ZNF827: variants seen among roughly 807,000 people sequenced by gnomAD.
ZNF827 encodes the protein zinc finger protein 827.
In ZNF827, 13 loss-of-function variants were observed where a neutral mutation model predicts 102.4. That is an observed-to-expected ratio of 0.13 (90% CI 0.08 to 0.20). The LOEUF (loss-of-function observed/expected upper bound fraction) is 0.20, where lower values mean the gene tolerates loss of function less well. Ranked by LOEUF, ZNF827 falls within the 10% of genes least tolerant of loss-of-function variation. The pLI is 1.00. For missense variants in ZNF827, 1,103 were observed against 1,344.4 expected (o/e 0.82, Z 2.81); for synonymous variants, 523 against 536.2 (o/e 0.98, Z 0.34).
At chr4:145,915,806 CCCTCCAGCTGTAAG>C (rs1308935214) in intron 1 of ZNF827, among the ~76,000 whole-genome samples, 2 of 152,318 alleles carry the variant, frequency 1.3e-5, no homozygotes, top group East Asian at 3.9e-4. Flanking sequence ...AGACAAATTT[CCCTCCAGCTGTAAG>C]CCTGTAAAAT....
intron 8 of ZNF827, among the ~76,000 whole-genome samples, chr4:145,813,728 C>A (rs1223276928): frequency 6.6e-6 from 1 of 152,206 alleles, no homozygotes; most frequent in African/African-American, 2.4e-5. Context: ...GGAAGCCCCC[C>A]TTGCCGGCAG....
intron 5 of ZNF827, among the ~76,000 whole-genome samples, chr4:145,865,020 C>T (rs549382737): frequency 1.2e-4 from 18 of 152,280 alleles, no homozygotes; most frequent in Non-Finnish European, 2.4e-4. Flanking sequence ...AATTATTAAG[C>T]TAAATCTCTA....
chr4:145,815,402 A>C (rs1307756430), intron 8 of ZNF827, among the ~76,000 whole-genome samples: 1 of 152,220 alleles, frequency 6.6e-6, no homozygotes, highest in Non-Finnish European at 1.5e-5. Flanking sequence ...CAGAAAATGA[A>C]AAATGAAGTC....
chr4:145,792,380 A>G (rs973339745), intron 8 of ZNF827, among the ~76,000 whole-genome samples: 3 of 151,968 alleles, frequency 2.0e-5, no homozygotes, highest in Admixed American at 6.5e-5. Context: ...CATAAGAAAA[A>G]AAAAAAGAAA....
chr4:145,918,903 C>G (rs1752873585), intron 1 of ZNF827, among the ~76,000 whole-genome samples: 1 of 152,220 alleles, frequency 6.6e-6, no homozygotes, highest in Non-Finnish European at 1.5e-5. Flanking sequence ...TTTGGGTCAT[C>G]AGTCATTATC....
Position 145,854,257 on chromosome 4 carries a change from G to A in ZNF827, c.1982-4696C>T, listed in dbSNP as rs142941404. On this transcript the variant is annotated intron_variant, in intron 5 of 14. Transcript: ENST00000508784. ...ATTCAAGTTTCCCACAGGAAGTGGAGGTTGTGATGGCTTACAGGTGGGAAG... is the reference window on the plus strand; with the variant it reads ...ATTCAAGTTTCCCACAGGAAGTGGAAGTTGTGATGGCTTACAGGTGGGAAG... Among the ~76,000 whole-genome samples the A allele has an allele frequency of 2.6e-3, 393 of 152,064 alleles. 4 individuals carry two copies. The highest frequency in any genetic ancestry group is 0.024 in the Middle Eastern group (7 of 294).
intron 2 of ZNF827, among the ~76,000 whole-genome samples, chr4:145,898,087 G>A (rs10026068): frequency 0.015 from 2,292 of 152,216 alleles, 60 homozygotes; most frequent in African/African-American, 0.051. Context: ...CCCGGGAGGC[G>A]GAGGCTGCAG....
chr4:145,830,196 C>T (rs1018422028), intron 7 of ZNF827, among the ~76,000 whole-genome samples: 2 of 151,836 alleles, frequency 1.3e-5, no homozygotes, highest in African/African-American at 4.8e-5. Context: ...GAGAACAAAC[C>T]GGAAATGTTT....
At chr4:145,931,890 C>T (rs895194870) in intron 1 of ZNF827, among the ~76,000 whole-genome samples, 5 of 152,218 alleles carry the variant, frequency 3.3e-5, no homozygotes, top group Non-Finnish European at 5.9e-5. Flanking sequence ...ACACCTTGTG[C>T]TGCAGTCTGA....
intron 5 of ZNF827, among the ~76,000 whole-genome samples, chr4:145,869,628 T>C (rs114824508): frequency 6.6e-6 from 1 of 152,178 alleles, no homozygotes; most frequent in Admixed American, 6.5e-5. Flanking sequence ...ATCCAAACTA[T>C]ATGAATTTCA....
At chr4:145,893,816 C>T (rs1005016657) in intron 2 of ZNF827, among the ~76,000 whole-genome samples, 3 of 152,022 alleles carry the variant, frequency 2.0e-5, no homozygotes, top group Non-Finnish European at 2.9e-5. Context: ...AACACACCAA[C>T]GGGATGAAAT....
intron 5 of ZNF827, among the ~76,000 whole-genome samples, chr4:145,866,734 C>T (rs377435540): frequency 8.7e-4 from 132 of 152,308 alleles, no homozygotes; most frequent in Middle Eastern, 3.4e-3. Context: ...TCTAGGATCA[C>T]CCAACCATGC....
rs944570308 is a variant in ZNF827 at position 145,759,797 on chromosome 4, C to T, written c.*1819G>A. ...ATTTATACCCAGAATTTATCCAAACCCCTTTTAATCTCCTTGGCTGGATTT... is the reference window on the plus strand; with the variant it reads ...ATTTATACCCAGAATTTATCCAAACTCCTTTTAATCTCCTTGGCTGGATTT... On this transcript the variant is annotated 3_prime_UTR_variant, in exon 15 of 15. Coordinates refer to ENST00000508784, the MANE Select transcript of ZNF827 (RefSeq NM_001306215.2). The T allele has an allele frequency of 3.9e-5, 6 of 151,962 alleles. No individual in the cohort carries two copies. Among genetic ancestry groups the T allele is most frequent in the Admixed American group, 2.0e-4 (3 of 15,230 alleles). 9.4% of individuals were successfully genotyped at this position (151,962 alleles called of 1,614,324 possible).
At chr4:145,868,565 G>A (rs969108875) in intron 5 of ZNF827, among the ~76,000 whole-genome samples, 1 of 152,134 alleles carries the variant, frequency 6.6e-6, no homozygotes, top group African/African-American at 2.4e-5. Context: ...GTTCATGGCT[G>A]TTAGACATAT....
chr4:145,800,760 A>G (rs114248588), intron 8 of ZNF827, among the ~76,000 whole-genome samples: 4 of 152,326 alleles, frequency 2.6e-5, no homozygotes, highest in Non-Finnish European at 5.9e-5. Context: ...CACCTACAAG[A>G]TGCCAGCAGT....
At chr4:145,917,700 C>CAAAAAAAAAAAAAAAA (rs763617063) in intron 1 of ZNF827, among the ~76,000 whole-genome samples, 14 of 46,848 alleles carry the variant, frequency 3.0e-4, no homozygotes, top group Non-Finnish European at 3.2e-4. Flanking sequence ...GGTAGCTGGT[C>CAAAAAAAAAAAAAAAA]AAAAAAAAAA....
chr4:145,794,671 G>C (rs754466198), intron 8 of ZNF827, among the ~76,000 whole-genome samples: 1 of 151,888 alleles, frequency 6.6e-6, no homozygotes, highest in African/African-American at 2.4e-5. Flanking sequence ...CTGCACTTCA[G>C]CCCGGGCGAC....
intron 5 of ZNF827, among the ~76,000 whole-genome samples, chr4:145,856,611 C>T (rs1747129088): frequency 6.6e-6 from 1 of 151,848 alleles, no homozygotes; most frequent in Non-Finnish European, 1.5e-5. Flanking sequence ...TTTAGTTATC[C>T]TCAATATATA....
chr4:145,833,832 G>A (rs188891225), intron 7 of ZNF827, among the ~76,000 whole-genome samples: 1,579 of 148,604 alleles, frequency 0.011, 112 homozygotes, highest in Admixed American at 0.096. Flanking sequence ...TTATTTCTGC[G>A]CCCCATCCCT....
Sources: allele counts gnomAD v4.1 joint callset (sites outside exome capture counted in the v4.1 genomes callset), GRCh38; gene constraint gnomAD v4.1.1; transcripts MANE v1.5; gene names NCBI Gene and HGNC (gene_info 2026-07-23, HGNC 2026-07-21).